RAD54L2: variants seen among roughly 807,000 people sequenced by gnomAD.
RAD54L2 encodes RAD54 like 2.
Under a neutral mutation model 138.4 loss-of-function variants are expected in RAD54L2, and 27 were observed. That is an observed-to-expected ratio of 0.20 (90% CI 0.14 to 0.27). The LOEUF (loss-of-function observed/expected upper bound fraction) is 0.27. Among genes scored for constraint, RAD54L2 ranks in the 10% least tolerant of loss-of-function variants. The pLI is 1.00. For missense variants in RAD54L2, 1,396 were observed against 1,890.2 expected (o/e 0.74, Z 4.85); for synonymous variants, 644 against 723.2 (o/e 0.89, Z 1.76).
intron 3 of RAD54L2, among the ~76,000 whole-genome samples, chr3:51,608,276 G>A (rs888734179): frequency 6.6e-6 from 1 of 151,846 alleles, no homozygotes; most frequent in African/African-American, 2.4e-5. Context: ...ATGGGCAGCC[G>A]GGCAGAGACG....
At chr3:51,636,477 C>T (rs548949837) in intron 10 of RAD54L2, among the ~76,000 whole-genome samples, 3 of 152,190 alleles carry the variant, frequency 2.0e-5, no homozygotes, top group South Asian at 2.1e-4. Context: ...GGAGTCAAGA[C>T]GCTGGCAATG....
At chr3:51,559,014 C>T (rs1458938944) in intron 2 of RAD54L2, among the ~76,000 whole-genome samples, 1 of 152,020 alleles carries the variant, frequency 6.6e-6, no homozygotes, top group Non-Finnish European at 1.5e-5. Context: ...GCTGGGATTA[C>T]AGGCGTATAC....
At chr3:51,635,523 G>A in intron 9 of RAD54L2, 70 bp from the exon 10 acceptor site, 1 of 1,448,910 alleles carries the variant, frequency 6.9e-7, no homozygotes, top group Admixed American at 2.3e-5. Context: ...TTCTTCCTTG[G>A]GAGCAGCAGA....
chr3:51,581,552 T>C (rs940948500), intron 2 of RAD54L2, among the ~76,000 whole-genome samples: 2 of 152,200 alleles, frequency 1.3e-5, no homozygotes, highest in Non-Finnish European at 1.5e-5. Flanking sequence ...TGAATGTTCA[T>C]GCGGCTATGA....
chr3:51,562,496 C>T (rs1312933645), intron 2 of RAD54L2, among the ~76,000 whole-genome samples: 1 of 152,128 alleles, frequency 6.6e-6, no homozygotes, highest in Non-Finnish European at 1.5e-5. Flanking sequence ...TCTGAAAGTG[C>T]TGGGATTATA....
chr3:51,540,307 G>A (rs533310498), intron 1 of RAD54L2, among the ~76,000 whole-genome samples: 1 of 152,250 alleles, frequency 6.6e-6, no homozygotes, highest in South Asian at 2.1e-4. Context: ...AAGTGAGTTC[G>A]TTGAATCTAT....
At position 51,635,632 on chromosome 3, in the gene RAD54L2, G is replaced by A. The variant is rs1322182862; in HGVS notation, c.1182G>A (p.Val394=). The change falls in exon 10 of 23, where the codon GTG becomes GTA. Residue 394 remains valine, a synonymous_variant. Transcript: ENST00000684192. ...ASRAKVMADW[V]SEGGVLLMGY... is the part of the protein sequence containing the mutation. ...GTGCTAAAGTGATGGCTGATTGGGT[G>A]TCAGAGGGTGGCGTGCTGCTGATGG... 6.2e-7 allele frequency: 1 copy of A among 1,613,402 alleles called. No individual in the cohort carries two copies. Among genetic ancestry groups the A allele is most frequent in the Admixed American group, 1.7e-5 (1 of 59,892 alleles).
At chr3:51,574,397 T>C (rs1480076179) in intron 2 of RAD54L2, among the ~76,000 whole-genome samples, 1 of 152,208 alleles carries the variant, frequency 6.6e-6, no homozygotes, top group African/African-American at 2.4e-5. Context: ...TATTTCTAGT[T>C]CTAGATCCTT....
At position 51,638,780 on chromosome 3, in the gene RAD54L2, T is replaced by G. The variant is rs1701054335; in HGVS notation, c.1860+459T>G. The G allele has an allele frequency of 6.2e-6, 1 of 161,170 alleles. No individual in the cohort carries two copies. Among genetic ancestry groups the G allele is most frequent in the African/African-American group, 2.4e-5 (1 of 41,548 alleles). 10.0% of individuals were successfully genotyped at this position (161,170 alleles called of 1,614,324 possible). A position where few individuals can be genotyped will look rare whatever the true frequency, so the allele number is the denominator to read the frequency against. ...TCATACCTCTACCCCTGGCTACTCT[T>G]CAGCAGACCTGTTAGGTATTATTCT... On this transcript the variant is annotated intron_variant, in intron 12 of 22. Transcript: ENST00000684192. The surrounding 1 kb of genome is among the most constrained non-coding windows in gnomAD (Gnocchi z 4.3).
intron 19 of RAD54L2, among the ~76,000 whole-genome samples, chr3:51,654,476 C>G (rs1220043705): frequency 6.6e-6 from 1 of 152,136 alleles, no homozygotes; most frequent in African/African-American, 2.4e-5. Flanking sequence ...TCGCTTGAGT[C>G]CAGGAATTGG....
rs757123462 is a variant in RAD54L2 at position 51,645,934 on chromosome 3, C to G, written c.2829+171C>G. 6.6e-6 allele frequency among the ~76,000 whole-genome samples: 1 copy of G among 152,182 alleles called. No individual in the cohort carries two copies. The highest frequency in any genetic ancestry group is 1.5e-5 in the Non-Finnish European group (1 of 68,020). On this transcript the variant is annotated intron_variant, in intron 18 of 22. Transcript: ENST00000684192. This position sits in a 1 kb window ranked among gnomAD's most constrained non-coding sequence, Gnocchi z 6.1. ...CCCCCTCCCTTCCCACAACCACTTA[C>G]CCCGTCCTCTAATCTGGTCCTGGGA...
chr3:51,655,128 C>T (rs550597307), intron 19 of RAD54L2, among the ~76,000 whole-genome samples: 1 of 152,226 alleles, frequency 6.6e-6, no homozygotes, highest in East Asian at 1.9e-4. Flanking sequence ...CAGACCAGCT[C>T]CAACAGCAGA....
chr3:51,619,868 A>T (rs1012213907), intron 3 of RAD54L2, among the ~76,000 whole-genome samples: 2 of 152,060 alleles, frequency 1.3e-5, no homozygotes, highest in South Asian at 4.1e-4. Context: ...GTTTCTTTGC[A>T]TATCTAGTGA....
rs375074477 is a variant in RAD54L2 at position 51,630,250 on chromosome 3, C to T, written c.482-22C>T. ...GCCAAATGTGGTCTTGACACCGTTC[C>T]CTTCCATTTTGCTTTTCCTAGAGGA... is the stretch of plus-strand genomic sequence containing the variant. On this transcript the variant is annotated intron_variant, in intron 5 of 22. Coordinates refer to ENST00000684192, the MANE Select transcript of RAD54L2 (RefSeq NM_015106.4). 37 of 1,593,298 alleles carry T rather than the reference C, an allele frequency of 2.3e-5. No individual in the cohort carries two copies. In the African/African-American group the frequency reaches 4.6e-4, roughly 20 times the overall value.
At chr3:51,608,650 C>G (rs1459472541) in intron 3 of RAD54L2, among the ~76,000 whole-genome samples, 1 of 152,240 alleles carries the variant, frequency 6.6e-6, no homozygotes, top group Non-Finnish European at 1.5e-5. Context: ...CACGGCGAAA[C>G]CCCGTCTCCA....
At chr3:51,591,784 G>A (rs1299727416) in intron 3 of RAD54L2, among the ~76,000 whole-genome samples, 1 of 152,078 alleles carries the variant, frequency 6.6e-6, no homozygotes, top group Non-Finnish European at 1.5e-5. Flanking sequence ...TCATCATTGG[G>A]TTCTCATAAT....
intron 3 of RAD54L2, among the ~76,000 whole-genome samples, chr3:51,625,515 A>G (rs553741115): frequency 2.0e-4 from 30 of 152,290 alleles, no homozygotes; most frequent in African/African-American, 7.2e-4. Flanking sequence ...CACCATTAAC[A>G]TACCACAGTA....
At chr3:51,575,676 G>A (rs1699463958) in intron 2 of RAD54L2, among the ~76,000 whole-genome samples, 2 of 152,132 alleles carry the variant, frequency 1.3e-5, no homozygotes, top group Admixed American at 1.3e-4. Context: ...CAGGAATGCT[G>A]TGATTTTTGC....
intron 2 of RAD54L2, among the ~76,000 whole-genome samples, chr3:51,561,403 G>A (rs1421316515): frequency 1.3e-5 from 2 of 152,040 alleles, no homozygotes; most frequent in Non-Finnish European, 2.9e-5. Flanking sequence ...GTGCCGCCAT[G>A]CCCGGCTAAT....
Sources: gnomAD v4.1 joint callset for allele counts (sites outside exome capture counted in the v4.1 genomes callset) on GRCh38, gnomAD v4.1.1 for gene constraint, Gnocchi (gnomAD v3.1) non-coding constraint, MANE v1.5 for transcripts, NCBI Gene and HGNC (gene_info 2026-07-23, HGNC 2026-07-21) for gene names.